STXBP5L: variants seen among roughly 807,000 people sequenced by gnomAD.
STXBP5L encodes syntaxin-binding protein 5-like.
A neutral mutation model predicts 144.5 loss-of-function variants in STXBP5L; 65 were observed. The ratio of observed to expected loss-of-function variants is 0.45; its 90% confidence interval spans 0.37 to 0.55. The LOEUF (loss-of-function observed/expected upper bound fraction) is 0.55. Among genes scored for constraint, STXBP5L ranks in the 20% least tolerant of loss-of-function variants. The pLI is 0.00. For missense variants in STXBP5L, 1,298 were observed against 1,405.5 expected (o/e 0.92, Z 1.22); for synonymous variants, 505 against 469.6 (o/e 1.08, Z -0.97).
chr3:121,001,907 G>A (rs1490291901), intron 3 of STXBP5L, among the ~76,000 whole-genome samples: 4 of 152,092 alleles, frequency 2.6e-5, no homozygotes, highest in Non-Finnish European at 4.4e-5. Context: ...TTTCAAGGCC[G>A]AATAATATTC....
At chr3:121,347,077 T>G (rs1259210961) in intron 20 of STXBP5L, among the ~76,000 whole-genome samples, 2 of 152,242 alleles carry the variant, frequency 1.3e-5, no homozygotes, top group Non-Finnish European at 2.9e-5. Flanking sequence ...AGGGTTTTTA[T>G]GGTTTTAGGT....
chr3:121,068,374 C>T (rs2041647845), intron 5 of STXBP5L, among the ~76,000 whole-genome samples: 1 of 152,150 alleles, frequency 6.6e-6, no homozygotes, highest in African/African-American at 2.4e-5. Context: ...AGGTTTTTAT[C>T]TGCCATATTT....
In STXBP5L at chr3:121,045,601, T is replaced by A. The variant is rs1947463898; in HGVS notation, c.470+66T>A. On this transcript the variant is annotated intron_variant, in intron 5 of 26. Transcript: ENST00000471454. Reference sequence around the variant, plus strand: ...AAATTATTTCCTGAGCAAGTTTTTGTTAACTTGACAGGCTTTTTTCCTCAT... The same window carrying A: ...AAATTATTTCCTGAGCAAGTTTTTGATAACTTGACAGGCTTTTTTCCTCAT... 14 of 1,429,404 alleles carry A rather than the reference T, an allele frequency of 9.8e-6. No individual in the cohort carries two copies. The South Asian group carries it at 1.6e-4, about 17-fold the overall frequency. 88.5% of individuals were successfully genotyped at this position (1,429,404 alleles called of 1,614,324 possible).
intron 3 of STXBP5L, among the ~76,000 whole-genome samples, chr3:120,975,997 A>C (rs1383487182): frequency 2.0e-5 from 3 of 149,596 alleles, no homozygotes; most frequent in South Asian, 2.1e-4. Flanking sequence ...ATATTGGTCT[A>C]AAATTCTCTT....
chr3:120,937,345 G>C (rs1167038053), intron 2 of STXBP5L, among the ~76,000 whole-genome samples: 1 of 152,120 alleles, frequency 6.6e-6, no homozygotes, highest in Non-Finnish European at 1.5e-5. Flanking sequence ...TGAGTTGCAG[G>C]TAAAACTCAC....
chr3:121,024,207 C>G (rs78849893), intron 3 of STXBP5L, among the ~76,000 whole-genome samples: 18,285 of 152,186 alleles, frequency 0.12, 1,159 homozygotes, highest in Non-Finnish European at 0.14. Flanking sequence ...GCTTAAAGAA[C>G]TTTAAAAACT....
chr3:121,000,242 C>T (rs1943662533), intron 3 of STXBP5L, among the ~76,000 whole-genome samples: 2 of 152,148 alleles, frequency 1.3e-5, no homozygotes, highest in African/African-American at 4.8e-5. Flanking sequence ...CTTTCAGTGA[C>T]ACTAAGGAGT....
chr3:121,057,875 C>T (rs547530137), intron 5 of STXBP5L, among the ~76,000 whole-genome samples: 88 of 151,940 alleles, frequency 5.8e-4, no homozygotes, highest in Non-Finnish European at 9.7e-4. Context: ...CTCACTCTAT[C>T]TTCCAAATAC....
At chr3:121,236,269 TGCAA>T (rs1236279002) in intron 12 of STXBP5L, among the ~76,000 whole-genome samples, 1 of 152,214 alleles carries the variant, frequency 6.6e-6, no homozygotes, top group African/African-American at 2.4e-5. Flanking sequence ...TCATTATTCC[TGCAA>T]AAAAATTTAA....
In STXBP5L at chr3:121,193,037, C is replaced by A. The variant is rs927816110; in HGVS notation, c.878-12886C>A. 6.3e-5 allele frequency among the ~76,000 whole-genome samples: 9 copies of A among 142,902 alleles called. 1 individual carries two copies. The highest frequency in any genetic ancestry group is 1.1e-4 in the Non-Finnish European group (7 of 65,552). 93.7% of individuals were successfully genotyped at this position (142,902 alleles called of 152,430 possible). ...AACTGCCATCACAGTGAATAGGCAA[C>A]CTACAGAATGGGAGAAAATTTTTAC... On this transcript the variant is annotated intron_variant, in intron 9 of 26. Transcript: ENST00000471454.
chr3:121,292,144 A>G (rs1242029266), intron 19 of STXBP5L, among the ~76,000 whole-genome samples: 3 of 152,178 alleles, frequency 2.0e-5, no homozygotes, highest in African/African-American at 7.2e-5. Flanking sequence ...TTCACAAACT[A>G]TGCATCTGAC....
At chr3:121,191,144 C>T (rs546560157) in intron 9 of STXBP5L, among the ~76,000 whole-genome samples, 28 of 152,254 alleles carry the variant, frequency 1.8e-4, no homozygotes, top group East Asian at 7.7e-4. Flanking sequence ...GGGTGGCGGC[C>T]GGGCAGAGGC....
chr3:121,240,570 T>C, intron 14 of STXBP5L, 63 bp downstream of exon 14: 2 of 1,458,964 alleles, frequency 1.4e-6, no homozygotes, highest in Non-Finnish European at 1.9e-6. Context: ...TGAGTCTTGA[T>C]ACTTTTCCAT....
At chr3:121,074,433 A>G (rs911768910) in intron 5 of STXBP5L, among the ~76,000 whole-genome samples, 1 of 152,104 alleles carries the variant, frequency 6.6e-6, no homozygotes, top group South Asian at 2.1e-4. Context: ...ACATCTTTGC[A>G]TTATCCCAAA....
intron 20 of STXBP5L, chr3:121,324,628 T>C (rs2044084652): frequency 1.5e-6 from 1 of 648,750 alleles, no homozygotes; most frequent in African/African-American, 1.8e-5. Context: ...AAGTTATTCA[T>C]ATCTTCACAA....
chr3:120,998,352 G>T (rs910478748), intron 3 of STXBP5L, among the ~76,000 whole-genome samples: 1 of 151,962 alleles, frequency 6.6e-6, no homozygotes, highest in East Asian at 1.9e-4. Context: ...GTGCCCCAAA[G>T]GTCCTTGATC....
chr3:121,201,732 A>G (rs1375530877), intron 9 of STXBP5L, among the ~76,000 whole-genome samples: 1 of 151,500 alleles, frequency 6.6e-6, no homozygotes, highest in Non-Finnish European at 1.5e-5. Flanking sequence ...ATCCCTCAAC[A>G]TTTGCCTTGT....
intron 3 of STXBP5L, among the ~76,000 whole-genome samples, chr3:120,977,322 T>C (rs754123234): frequency 1.3e-5 from 2 of 152,222 alleles, no homozygotes; most frequent in African/African-American, 4.8e-5. Context: ...TCCCTTTTGA[T>C]CTTTGTTGGT....
At chr3:120,975,471 A>G (rs1420526244) in intron 3 of STXBP5L, among the ~76,000 whole-genome samples, 3 of 152,178 alleles carry the variant, frequency 2.0e-5, no homozygotes, top group Non-Finnish European at 4.4e-5. Context: ...TCTAGATAAC[A>G]ATTCATGTCA....
Sources: gnomAD v4.1 joint callset for allele counts (sites outside exome capture counted in the v4.1 genomes callset) on GRCh38, gnomAD v4.1.1 for gene constraint, MANE v1.5 for transcripts, NCBI Gene and HGNC (gene_info 2026-07-23, HGNC 2026-07-21) for gene names.